Variants in CFAP61 observed in about 807,000 individuals in gnomAD.
CFAP61 encodes cilia- and flagella-associated protein 61.
In CFAP61, 107 loss-of-function variants were observed where a neutral mutation model predicts 135.6. The observed-to-expected ratio is 0.79, with a 90% CI of 0.67 to 0.93. The LOEUF is 0.93. Ranked by LOEUF, CFAP61 falls within the 40% of genes least tolerant of loss-of-function variation. CFAP61 has a pLI of 0.00. For synonymous variants in CFAP61, 575 were observed against 578.5 expected, an observed-to-expected ratio of 0.99 and a Z score of 0.09; for missense variants, 1,507 against 1,556.2, an observed-to-expected ratio of 0.97 and a Z score of 0.53.
rs554114024 is a variant in CFAP61, at chr20:20,067,093, T to TA, written c.144-3749dup. Among the ~76,000 whole-genome samples the TA allele has an allele frequency of 4.0e-3, 579 of 143,672 alleles. 3 individuals are homozygous for TA. The highest frequency in any genetic ancestry group is 0.012 in the African/African-American group (463 of 39,066). 94.3% of individuals were successfully genotyped at this position (143,672 alleles called of 152,430 possible). ...AAAAAGTTTTATAACATCTGACTCT[T>TA]AAAAAAAAAAAAGAAAATAAGTTTT... On this transcript the variant is annotated intron_variant, in intron 2 of 26. Transcript: ENST00000245957.
intron 6 of CFAP61, among the ~76,000 whole-genome samples, chr20:20,089,627 G>T (rs958924068): frequency 6.7e-6 from 1 of 149,842 alleles, no homozygotes; most frequent in Non-Finnish European, 1.5e-5. Context: ...ATCCCACACA[G>T]GTAAAAAAGA....
At chr20:20,322,386 AGAGAGAGGGATGGCAGGG>A (rs1474884036) in intron 25 of CFAP61, among the ~76,000 whole-genome samples, 1 of 152,214 alleles carries the variant, frequency 6.6e-6, no homozygotes, top group Non-Finnish European at 1.5e-5. Flanking sequence ...ACCCCCACAA[AGAGAGAGGGATGGCAGGG>A]GGTTGAGCGG....
intron 9 of CFAP61, among the ~76,000 whole-genome samples, chr20:20,158,148 G>A (rs912089152): frequency 1.4e-5 from 2 of 143,324 alleles, no homozygotes; most frequent in African/African-American, 5.0e-5. Flanking sequence ...GCTAGATGAC[G>A]AGTTAGTGGG....
chr20:20,273,608 C>G (rs115095330), intron 21 of CFAP61, among the ~76,000 whole-genome samples: 1 of 152,216 alleles, frequency 6.6e-6, no homozygotes, highest in African/African-American at 2.4e-5. Flanking sequence ...ATCCATGTAT[C>G]TGGTCAGGAA....
At position 20,169,386 on chromosome 20, in the gene CFAP61, C is replaced by T. The variant is rs150673228; in HGVS notation, c.1311C>T (p.Phe437=). The T allele has an allele frequency of 1.0e-3, 1,615 of 1,613,914 alleles. 13 individuals are homozygous for T. The highest frequency in any genetic ancestry group is 2.5e-3 in the Middle Eastern group (15 of 6,060). The part of the protein sequence containing the change: ...LTPEFFLIQN[F]VKMVPFNTCT... ...CCGAGTTCTTCCTCATCCAGAACTTCGTGAAAATGGTCCCTTTCAACACCT... is the reference window on the plus strand; with the variant it reads ...CCGAGTTCTTCCTCATCCAGAACTTTGTGAAAATGGTCCCTTTCAACACCT... Residue 437 remains phenylalanine, a synonymous_variant, in exon 13 of 27, where the codon TTC becomes TTT. Transcript: ENST00000245957.
At chr20:20,348,100 A>G (rs75022719) in intron 26 of CFAP61, among the ~76,000 whole-genome samples, 2,289 of 152,308 alleles carry the variant, frequency 0.015, 67 homozygotes, top group African/African-American at 0.053. Context: ...TCAAATATTT[A>G]AAGAATTAAC....
chr20:20,188,140 C>A lies in CFAP61; in HGVS notation c.1512+84C>A. 5 of 1,459,698 alleles carry A rather than the reference C, an allele frequency of 3.4e-6. No homozygotes were observed. In the South Asian group the frequency reaches 3.7e-5, roughly 11 times the overall value. 90.4% of individuals were successfully genotyped at this position (1,459,698 alleles called of 1,614,324 possible). ...ATTCAGCCCTGAAACTTCCTTGGATCTGAGTTGGAAAATCATATGGCAGGG... is the reference window on the plus strand; with the variant it reads ...ATTCAGCCCTGAAACTTCCTTGGATATGAGTTGGAAAATCATATGGCAGGG... On this transcript the variant is annotated intron_variant, in intron 14 of 26. Coordinates refer to ENST00000245957, the MANE Select transcript of CFAP61 (RefSeq NM_015585.4).
chr20:20,079,361 A>G (rs2146588009), intron 6 of CFAP61, among the ~76,000 whole-genome samples: 1 of 152,312 alleles, frequency 6.6e-6, no homozygotes, highest in South Asian at 2.1e-4. Flanking sequence ...AGAGTTTCAC[A>G]GGAGAGGCCA....
intron 20 of CFAP61, among the ~76,000 whole-genome samples, chr20:20,256,556 T>G (rs1383715643): frequency 6.6e-6 from 1 of 151,630 alleles, no homozygotes; most frequent in Non-Finnish European, 1.5e-5. Flanking sequence ...AGGAGATGGG[T>G]GAATAAGAAA....
At chr20:20,286,194 G>A (rs2054579953) in intron 22 of CFAP61, among the ~76,000 whole-genome samples, 1 of 152,114 alleles carries the variant, frequency 6.6e-6, no homozygotes. Flanking sequence ...TACCACCAAG[G>A]CAGAAGCAGA....
chr20:20,187,996 C>G lies in CFAP61; in HGVS notation c.1452C>G (p.Leu484=). The change falls in exon 14 of 27, where the codon CTC becomes CTG. Residue 484 remains leucine (L), a synonymous_variant. Coordinates refer to ENST00000245957, the MANE Select transcript of CFAP61 (RefSeq NM_015585.4). ...TPGVENLVST[L]MLNKSILEDL... ...GTGTGGAAAATCTTGTCAGCACCCT[C>G]ATGTTGAATAAAAGCATATTGGAGG... The G allele has an allele frequency of 6.2e-7, 1 of 1,613,902 alleles. No homozygotes were observed. The highest frequency in any genetic ancestry group is 8.5e-7 in the Non-Finnish European group (1 of 1,179,742).
intron 8 of CFAP61, among the ~76,000 whole-genome samples, chr20:20,106,937 T>C (rs1218448412): frequency 6.6e-6 from 1 of 152,222 alleles, no homozygotes; most frequent in Non-Finnish European, 1.5e-5. Context: ...TTACGCTATA[T>C]GGAGTCAGCA....
chr20:20,172,392 C>T (rs1272949414), intron 13 of CFAP61: 1 of 556,974 alleles, frequency 1.8e-6, no homozygotes, highest in Non-Finnish European at 2.3e-6. Flanking sequence ...TCATGGCTCG[C>T]TGGAGCCTCA....
At chr20:20,305,048 CTT>C (rs1482724347) in intron 25 of CFAP61, among the ~76,000 whole-genome samples, 2 of 152,248 alleles carry the variant, frequency 1.3e-5, no homozygotes, top group Admixed American at 1.3e-4. Context: ...GATTAAACCT[CTT>C]TTCACATCTT....
At chr20:20,098,861 T>A in intron 8 of CFAP61, 47 bp downstream of exon 8, 1 of 1,525,962 alleles carries the variant, frequency 6.6e-7, no homozygotes, top group Non-Finnish European at 8.9e-7. Context: ...AATCTATGCT[T>A]TATACACATT....
Position 20,098,716 on chromosome 20 carries a change from A to C in CFAP61, c.761A>C (p.His254Pro). Residue 254 changes from histidine (H) to proline (P), a missense_variant, in exon 8 of 27, where the codon CAT (histidine) becomes CCT (proline). By Grantham distance (77) the His-to-Pro change is moderately conservative. Transcript: ENST00000245957. The stretch of plus-strand genomic sequence containing the variant: ...TCAAGAGTGAACATGCAACTGCTGC[A>C]TGAGTGCTTTGACTTGGGCCCTTTC... ...VCSRVNMQLLHECFDLGPFHG... is the reference protein window; with the variant it reads ...VCSRVNMQLLPECFDLGPFHG... The C allele has an allele frequency of 6.2e-7, 1 of 1,613,672 alleles. No individual in the cohort carries two copies. The highest frequency in any genetic ancestry group is 8.5e-7 in the Non-Finnish European group (1 of 1,179,948).
chr20:20,129,859 A>C (rs545865670), intron 8 of CFAP61, among the ~76,000 whole-genome samples: 10 of 151,260 alleles, frequency 6.6e-5, no homozygotes, highest in Non-Finnish European at 1.5e-4. Flanking sequence ...TGAATTTTTC[A>C]GTTTATTTGC....
chr20:20,237,351 C>T (rs1449023577), intron 18 of CFAP61, among the ~76,000 whole-genome samples: 1 of 152,150 alleles, frequency 6.6e-6, no homozygotes, highest in Non-Finnish European at 1.5e-5. Context: ...AGGTCGCATC[C>T]TCATTCCTAC....
chr20:20,341,821 T>C lies in CFAP61; in HGVS notation c.3423-10T>C. ...TTGCCAGCTCACTGAGTCTCTTCTT[T>C]CCTTACCAGCTACTTCACCGAGCCG... On this transcript the variant is annotated splice_polypyrimidine_tract_variant and intron_variant, in intron 25 of 26. Coordinates refer to ENST00000245957, the MANE Select transcript of CFAP61 (RefSeq NM_015585.4). 2 of 1,609,262 alleles carry C rather than the reference T, an allele frequency of 1.2e-6. No homozygotes were observed. Among genetic ancestry groups the C allele is most frequent in the Non-Finnish European group, 8.5e-7 (1 of 1,176,316 alleles).
Sources: allele counts gnomAD v4.1 joint callset (sites outside exome capture counted in the v4.1 genomes callset), GRCh38; gene constraint gnomAD v4.1.1; transcripts MANE v1.5; gene names NCBI Gene and HGNC (gene_info 2026-07-23, HGNC 2026-07-21).